The following FZD3 variants were observed in gnomAD, a reference collection of about 807,000 sequenced individuals.
The protein encoded by FZD3 is frizzled class receptor 3.
In FZD3, 30 loss-of-function variants were observed where a neutral mutation model predicts 60.7. The observed-to-expected ratio is 0.49, with a 90% CI of 0.37 to 0.67. The LOEUF (loss-of-function observed/expected upper bound fraction) is 0.67. FZD3 is among the 30% of genes least tolerant of loss of function. FZD3 has a pLI of 0.00. For synonymous variants in FZD3, 246 were observed against 275.2 expected, an observed-to-expected ratio of 0.89 and a Z score of 1.05; for missense variants, 605 against 838.7, an observed-to-expected ratio of 0.72 and a Z score of 3.44.
At position 28,509,790 on chromosome 8, in the gene FZD3, A is replaced by G. The variant is rs552266310; in HGVS notation, c.189+6588A>G. On this transcript the variant is annotated intron_variant, in intron 3 of 7. Transcript: ENST00000240093. The stretch of plus-strand genomic sequence containing the variant: ...AATTTTCTTATTTTTTTAAGGCTGA[A>G]TAGTATTCCATTGTAGGTATATAAC... Among the ~76,000 whole-genome samples, 3 of 152,306 alleles carry G rather than the reference A, an allele frequency of 2.0e-5. No individual in the cohort carries two copies. In the East Asian group the frequency reaches 5.8e-4, roughly 29 times the overall value.
chr8:28,534,666 ATT>A (rs1487832086), intron 5 of FZD3, among the ~76,000 whole-genome samples: 2 of 152,194 alleles, frequency 1.3e-5, no homozygotes, highest in Non-Finnish European at 2.9e-5. Flanking sequence ...GTCTCTATTA[ATT>A]TAATTCTAGA....
At chr8:28,551,151 G>C (rs887795691) in intron 5 of FZD3, among the ~76,000 whole-genome samples, 6 of 152,130 alleles carry the variant, frequency 3.9e-5, no homozygotes, top group African/African-American at 1.2e-4. Flanking sequence ...ATTTTCAGGA[G>C]TATATTTTTT....
In FZD3 at chr8:28,516,004, CT is replaced by C. The variant is rs1447772817; in HGVS notation, c.190-4633del. ...AATCCAAGGTCATGGAGATTTGCCC[CT>C]GTGTTTTCTTCTATGAGTTTCATAG... On this transcript the variant is annotated intron_variant, in intron 3 of 7. Transcript: ENST00000240093. 6.6e-5 allele frequency among the ~76,000 whole-genome samples: 10 copies of C among 152,258 alleles called. No homozygotes were observed. In the East Asian group the frequency reaches 1.9e-3, roughly 29 times the overall value.
chr8:28,515,772 T>G (rs1251981771), intron 3 of FZD3, among the ~76,000 whole-genome samples: 8 of 152,242 alleles, frequency 5.3e-5, no homozygotes, highest in Non-Finnish European at 7.3e-5. Flanking sequence ...GTTGGGAGAC[T>G]GCCTTTCCCT....
intron 6 of FZD3, among the ~76,000 whole-genome samples, chr8:28,555,278 C>T (rs6992771): frequency 6.6e-6 from 1 of 152,150 alleles, no homozygotes; most frequent in Non-Finnish European, 1.5e-5. Flanking sequence ...AGTGAAGCCT[C>T]TACTAGTTTT....
intron 7 of FZD3, among the ~76,000 whole-genome samples, chr8:28,559,113 T>A (rs1413000734): frequency 6.6e-6 from 1 of 152,170 alleles, no homozygotes; most frequent in Admixed American, 6.5e-5. Context: ...GAGTTTATAT[T>A]AAGTAGAGGA....
intron 3 of FZD3, among the ~76,000 whole-genome samples, chr8:28,519,716 C>T (rs183328244): frequency 6.7e-5 from 9 of 134,388 alleles, no homozygotes; most frequent in East Asian, 4.4e-4. Flanking sequence ...GGTGACAGAG[C>T]GAGACCCTGT....
At chr8:28,510,010 G>A (rs1333454638) in intron 3 of FZD3, among the ~76,000 whole-genome samples, 1 of 152,166 alleles carries the variant, frequency 6.6e-6, no homozygotes, top group Non-Finnish European at 1.5e-5. Flanking sequence ...AACTGTCAAA[G>A]TGTTTTCCAT....
rs1369344371 is a variant in FZD3 at position 28,527,580 on chromosome 8, G to T, written c.820G>T (p.Ala274Ser). 1.9e-6 allele frequency: 3 copies of T among 1,613,902 alleles called. No homozygotes were observed. The highest frequency in any genetic ancestry group is 2.5e-6 in the Non-Finnish European group (3 of 1,179,868). ...TGCATCCATCCCTGCACAATATAAG[G>T]CTTCCACAGTGACACAAGGATCTCA... ...CNASIPAQYK[A>S]STVTQGSHNK... The change falls in exon 5 of 8, where the codon GCT (alanine) becomes TCT (serine). Residue 274 changes from alanine (A) to serine (S), a missense_variant. Coordinates refer to ENST00000240093, the MANE Select transcript of FZD3 (RefSeq NM_017412.4). The surrounding 1 kb of genome is among the most constrained non-coding windows in gnomAD (Gnocchi z 5.0).
At chr8:28,508,557 G>T (rs1804203416) in intron 3 of FZD3, among the ~76,000 whole-genome samples, 1 of 151,712 alleles carries the variant, frequency 6.6e-6, no homozygotes, top group Admixed American at 6.6e-5. Flanking sequence ...CTGTAGTGTA[G>T]TGGCACGATC....
chr8:28,533,236 G>C (rs1804925269), intron 5 of FZD3, among the ~76,000 whole-genome samples: 1 of 150,050 alleles, frequency 6.7e-6, no homozygotes, highest in South Asian at 2.1e-4. Context: ...ATGGGGTCTT[G>C]TTAGCTGTCC....
At chr8:28,513,218 T>G (rs1804334616) in intron 3 of FZD3, among the ~76,000 whole-genome samples, 1 of 152,216 alleles carries the variant, frequency 6.6e-6, no homozygotes, top group African/African-American at 2.4e-5. Context: ...TAAAGTGATT[T>G]ACTTGTCTTA....
In FZD3 at chr8:28,570,326, T is replaced by C. The variant is rs1360911568; in HGVS notation, c.*7315T>C. 1 of 150,900 alleles carries C rather than the reference T, an allele frequency of 6.6e-6. No individual in the cohort carries two copies. Among genetic ancestry groups the C allele is most frequent in the Non-Finnish European group, 1.5e-5 (1 of 67,878 alleles). 9.3% of individuals were successfully genotyped at this position (150,900 alleles called of 1,614,324 possible). A position where few individuals can be genotyped will look rare whatever the true frequency, so the allele number is the denominator to read the frequency against. On this transcript the variant is annotated 3_prime_UTR_variant, in exon 8 of 8. Coordinates refer to ENST00000240093, the MANE Select transcript of FZD3 (RefSeq NM_017412.4). Reference sequence around the variant, plus strand: ...GATGAACATGGCAAATCCCCTTCTGTACTAAAAATACAAAAATTAGCCAGG... The same window carrying C: ...GATGAACATGGCAAATCCCCTTCTGCACTAAAAATACAAAAATTAGCCAGG...
At chr8:28,502,237 A>G (rs1804014442) in intron 2 of FZD3, among the ~76,000 whole-genome samples, 1 of 152,226 alleles carries the variant, frequency 6.6e-6, no homozygotes, top group South Asian at 2.1e-4. Context: ...GCCTTCTGCT[A>G]CATCAGTTAA....
intron 5 of FZD3, among the ~76,000 whole-genome samples, chr8:28,546,610 A>G (rs1011191219): frequency 1.6e-4 from 24 of 152,220 alleles, no homozygotes; most frequent in African/African-American, 5.8e-4. Context: ...CCCACCCAGC[A>G]CTTATTTTTA....
chr8:28,562,796 A>G lies in FZD3; in HGVS notation c.1788-2A>G, dbSNP rs1195172034. Reference sequence around the variant, plus strand: ...CCACTTCAAAATAAACTCTCATGACAGGTACACGCCCTGCAGTTACAGAGG... The same window carrying G: ...CCACTTCAAAATAAACTCTCATGACGGGTACACGCCCTGCAGTTACAGAGG... On this transcript the variant is annotated splice_acceptor_variant, in intron 7 of 7. Transcript: ENST00000240093. LOFTEE classifies it high-confidence loss of function. The G allele has an allele frequency of 1.3e-6, 2 of 1,580,498 alleles. No individual in the cohort carries two copies. The highest frequency in any genetic ancestry group is 1.7e-6 in the Non-Finnish European group (2 of 1,153,194).
At chr8:28,504,796 C>T (rs891522912) in intron 3 of FZD3, among the ~76,000 whole-genome samples, 6 of 152,160 alleles carry the variant, frequency 3.9e-5, no homozygotes. Context: ...TGTATTTGCT[C>T]CAGTGAATTT....
intron 5 of FZD3, among the ~76,000 whole-genome samples, chr8:28,539,187 C>G (rs1805098036): frequency 6.6e-6 from 1 of 152,184 alleles, no homozygotes; most frequent in African/African-American, 2.4e-5. Context: ...TCTGTATTTA[C>G]TTCCCATCGC....
At chr8:28,504,543 A>G (rs1278974881) in intron 3 of FZD3, among the ~76,000 whole-genome samples, 8 of 152,214 alleles carry the variant, frequency 5.3e-5, no homozygotes, top group Non-Finnish European at 7.3e-5. Flanking sequence ...CTTGGGTTCA[A>G]CTTTTGGCTC....
Sources: gnomAD v4.1 joint callset for allele counts (sites outside exome capture counted in the v4.1 genomes callset) on GRCh38, gnomAD v4.1.1 for gene constraint, Gnocchi (gnomAD v3.1) non-coding constraint, MANE v1.5 for transcripts, NCBI Gene and HGNC (gene_info 2026-07-23, HGNC 2026-07-21) for gene names.